The following GNAQ variants were observed in gnomAD, a reference collection of about 807,000 sequenced individuals.
GNAQ encodes G protein subunit alpha q, also known as guanine nucleotide-binding protein G(q) subunit alpha.
A neutral mutation model predicts 43.9 loss-of-function variants in GNAQ; 8 were observed. The ratio of observed to expected loss-of-function variants is 0.18; its 90% CI spans 0.11 to 0.33. The LOEUF (loss-of-function observed/expected upper bound fraction) is 0.33. Among genes scored for constraint, GNAQ ranks in the 10% least tolerant of loss-of-function variants. GNAQ has a pLI of 1.00. For missense variants in GNAQ, 158 were observed against 450.8 expected, an observed-to-expected ratio of 0.35 and a Z score of 5.88; for synonymous variants, 155 against 170.7, an observed-to-expected ratio of 0.91 and a Z score of 0.71.
intron 5 of GNAQ, among the ~76,000 whole-genome samples, chr9:77,760,624 G>C (rs1458370140): frequency 6.7e-6 from 1 of 150,156 alleles, no homozygotes; most frequent in Non-Finnish European, 1.5e-5. Context: ...CTGCCCGGCC[G>C]CCACCCCGTC....
chr9:77,843,982 C>G (rs1827534084), intron 2 of GNAQ, among the ~76,000 whole-genome samples: 1 of 152,178 alleles, frequency 6.6e-6, no homozygotes, highest in Non-Finnish European at 1.5e-5. Context: ...CCCCACCATT[C>G]TGGCAGAATC....
chr9:77,861,737 T>C (rs573941757), intron 2 of GNAQ, among the ~76,000 whole-genome samples: 1 of 152,278 alleles, frequency 6.6e-6, no homozygotes, highest in East Asian at 1.9e-4. Flanking sequence ...GCATGGTGGC[T>C]CACGCCTATA....
At chr9:77,996,609 T>C (rs1193140721) in intron 1 of GNAQ, among the ~76,000 whole-genome samples, 1 of 137,878 alleles carries the variant, frequency 7.3e-6, no homozygotes, top group Non-Finnish European at 1.5e-5. Flanking sequence ...ACCCGGGAGG[T>C]GGAGCTTGCA....
At chr9:77,836,465 A>G (rs911762416) in intron 2 of GNAQ, among the ~76,000 whole-genome samples, 1 of 152,092 alleles carries the variant, frequency 6.6e-6, no homozygotes, top group African/African-American at 2.4e-5. Flanking sequence ...GAAATAATCT[A>G]TTTCTTCTTT....
intron 2 of GNAQ, among the ~76,000 whole-genome samples, chr9:77,873,047 G>T (rs530842749): frequency 6.6e-6 from 1 of 152,342 alleles, no homozygotes; most frequent in South Asian, 2.1e-4. Context: ...GCTGGAAAGA[G>T]AATGTATTGG....
chr9:77,800,146 A>C (rs988494492), intron 3 of GNAQ, among the ~76,000 whole-genome samples: 3 of 152,042 alleles, frequency 2.0e-5, no homozygotes, highest in Non-Finnish European at 2.9e-5. Flanking sequence ...TAGTTCAACC[A>C]TTGTGGAAGT....
chr9:77,968,700 T>A (rs1415756289), intron 1 of GNAQ, among the ~76,000 whole-genome samples: 1 of 152,230 alleles, frequency 6.6e-6, no homozygotes, highest in African/African-American at 2.4e-5. Flanking sequence ...TTACATTTCA[T>A]TCCAAATTAA....
intron 2 of GNAQ, among the ~76,000 whole-genome samples, chr9:77,878,938 C>T (rs899674737): frequency 3.3e-5 from 5 of 152,010 alleles, no homozygotes; most frequent in Admixed American, 6.5e-5. Context: ...CCCAGCTACT[C>T]AAGAGGCTGA....
Position 77,720,704 on chromosome 9 carries a change from A to G in GNAQ, c.*619T>C, listed in dbSNP as rs1825296864. ...ATCCACTGTCCCAGTCCAAAGTGAG[A>G]CAAGACAGTATATTCTATTAAAAAA... is the stretch of plus-strand genomic sequence containing the variant. On this transcript the variant is annotated 3_prime_UTR_variant, in exon 7 of 7. Transcript: ENST00000286548. The G allele has an allele frequency of 4.3e-6, 1 of 233,266 alleles. No homozygotes were observed. The highest frequency in any genetic ancestry group is 8.5e-6 in the Non-Finnish European group (1 of 117,958). 14.4% of individuals were successfully genotyped at this position (233,266 alleles called of 1,614,324 possible).
chr9:78,001,639 G>A (rs1465814204), intron 1 of GNAQ, among the ~76,000 whole-genome samples: 1 of 150,300 alleles, frequency 6.7e-6, no homozygotes, highest in African/African-American at 2.5e-5. Flanking sequence ...GATTTCCTCT[G>A]GCTTCAGATT....
intron 1 of GNAQ, among the ~76,000 whole-genome samples, chr9:77,964,404 T>A (rs1017264186): frequency 6.6e-6 from 1 of 152,088 alleles, no homozygotes; most frequent in African/African-American, 2.4e-5. Context: ...GAGAAATACA[T>A]CAAAGATAAT....
At chr9:77,899,144 T>A (rs915913540) in intron 2 of GNAQ, among the ~76,000 whole-genome samples, 18 of 152,182 alleles carry the variant, frequency 1.2e-4, no homozygotes. Flanking sequence ...TCGCCCAGGC[T>A]GGAGTGTTGT....
intron 1 of GNAQ, among the ~76,000 whole-genome samples, chr9:77,941,016 G>T (rs1309355758): frequency 6.6e-6 from 1 of 151,876 alleles, no homozygotes; most frequent in Non-Finnish European, 1.5e-5. Flanking sequence ...TAAAGAAAAG[G>T]GCAATTGGAA....
chr9:77,845,779 C>T (rs113688146), intron 2 of GNAQ, among the ~76,000 whole-genome samples: 4 of 152,154 alleles, frequency 2.6e-5, no homozygotes, highest in African/African-American at 7.2e-5. Context: ...AATCATCACT[C>T]GGCTTGAAGA....
chr9:77,869,988 C>T (rs1256276803), intron 2 of GNAQ, among the ~76,000 whole-genome samples: 2 of 152,104 alleles, frequency 1.3e-5, no homozygotes, highest in East Asian at 1.9e-4. Flanking sequence ...TAGATAATGC[C>T]TTCATAATAG....
At chr9:77,963,483 C>A (rs956969854) in intron 1 of GNAQ, among the ~76,000 whole-genome samples, 1 of 152,044 alleles carries the variant, frequency 6.6e-6, no homozygotes, top group Non-Finnish European at 1.5e-5. Context: ...GAGCCTGAAG[C>A]ATTTCTTTGA....
chr9:77,946,762 A>C (rs11145628), intron 1 of GNAQ, among the ~76,000 whole-genome samples: 1,829 of 152,358 alleles, frequency 0.012, 27 homozygotes, highest in Non-Finnish European at 0.019. Flanking sequence ...ACATGGGTTA[A>C]AGCCCAGGGT....
intron 1 of GNAQ, among the ~76,000 whole-genome samples, chr9:78,020,242 G>A (rs901349359): frequency 5.3e-5 from 8 of 152,068 alleles, no homozygotes; most frequent in Non-Finnish European, 8.8e-5. Context: ...GATGTCTCAA[G>A]AGACATCTCA....
At chr9:77,815,878 G>A (rs999531515) in intron 2 of GNAQ, 108 bp from the exon 3 acceptor site, 2 of 664,902 alleles carry the variant, frequency 3.0e-6, no homozygotes, top group Non-Finnish European at 5.1e-6. Context: ...TTCATATACT[G>A]GTCTTTACAC....
Sources: allele counts gnomAD v4.1 joint callset (sites outside exome capture counted in the v4.1 genomes callset), GRCh38; gene constraint gnomAD v4.1.1; transcripts MANE v1.5; gene names NCBI Gene and HGNC (gene_info 2026-07-23, HGNC 2026-07-21).